Variants in CUBN observed in about 807,000 individuals in gnomAD.
CUBN encodes 460 kDa receptor.
A neutral mutation model predicts 405.3 loss-of-function variants in CUBN; 282 were observed. The ratio of observed to expected loss-of-function variants is 0.70; its 90% CI spans 0.63 to 0.77. The LOEUF is 0.77. Among genes scored for constraint, CUBN ranks in the 30% least tolerant of loss-of-function variants. CUBN has a pLI of 0.00. For synonymous variants in CUBN, 1,684 were observed against 1,617.0 expected, an observed-to-expected ratio of 1.04 and a Z score of -0.99; for missense variants, 4,514 against 4,475.2, an observed-to-expected ratio of 1.01 and a Z score of -0.25.
chr10:16,864,831 G>A (rs958431544), intron 59 of CUBN, among the ~76,000 whole-genome samples: 3 of 146,932 alleles, frequency 2.0e-5, no homozygotes, highest in African/African-American at 7.5e-5. Context: ...TGTATTTTTA[G>A]TAGAGACAGG....
At chr10:16,931,198 A>G (rs1248334218) in intron 40 of CUBN, among the ~76,000 whole-genome samples, 1 of 151,972 alleles carries the variant, frequency 6.6e-6, no homozygotes, top group Non-Finnish European at 1.5e-5. Flanking sequence ...CGGGAGGCAG[A>G]GTTTGCAGTG....
intron 22 of CUBN, among the ~76,000 whole-genome samples, chr10:17,061,061 C>T (rs1303439889): frequency 1.3e-5 from 2 of 151,400 alleles, no homozygotes; most frequent in African/African-American, 4.9e-5. Context: ...AAAAACAAAC[C>T]AACAAACAAC....
intron 27 of CUBN, among the ~76,000 whole-genome samples, chr10:17,033,438 G>A (rs1191150513): frequency 6.6e-6 from 1 of 152,194 alleles, no homozygotes; most frequent in Non-Finnish European, 1.5e-5. Flanking sequence ...AAGGAAAACT[G>A]ATGCTAAAAC....
intron 32 of CUBN, 50 bp from the exon 33 acceptor site, chr10:16,952,439 T>C (rs1842947336): frequency 1.8e-6 from 2 of 1,082,132 alleles, no homozygotes; most frequent in Non-Finnish European, 2.9e-6. Context: ...TCATTTCTAC[T>C]GACCGTACAA....
chr10:16,864,171 A>G (rs1425447278), intron 59 of CUBN, among the ~76,000 whole-genome samples: 1 of 152,226 alleles, frequency 6.6e-6, no homozygotes, highest in Non-Finnish European at 1.5e-5. Context: ...GACAATATCG[A>G]TGGAGTAACA....
intron 54 of CUBN, among the ~76,000 whole-genome samples, chr10:16,895,449 ATC>A (rs1841155924): frequency 6.6e-6 from 1 of 152,128 alleles, no homozygotes; most frequent in Non-Finnish European, 1.5e-5. Flanking sequence ...CTTGTCAATT[ATC>A]TGTCTAGTTG....
In CUBN at chr10:17,110,925, G is replaced by C; in HGVS notation, c.1009C>G (p.Pro337Ala). The part of the protein sequence containing the change: ...TPGSSHCQAC[P>A]PGYQGDGRVC... Reference sequence around the variant, plus strand: ...CATTGAACCGAGGCAGCACCTGGTGGACAGGCCTGGCAGTGGGAAGACCCA... The same window carrying C: ...CATTGAACCGAGGCAGCACCTGGTGCACAGGCCTGGCAGTGGGAAGACCCA... The change falls in exon 9 of 67, where the codon CCA becomes GCA. Residue 337 changes from proline (P) to alanine (A), a missense_variant. Around this residue, in one of 5 missense-constraint regions of CUBN, gnomAD observed 1,448 missense variants for 1,388.0 expected, o/e 1.04. Coordinates refer to ENST00000377833, the MANE Select transcript of CUBN (RefSeq NM_001081.4). 1.2e-6 allele frequency: 2 copies of C among 1,614,202 alleles called. No individual in the cohort carries two copies. Among genetic ancestry groups the C allele is most frequent in the Non-Finnish European group, 1.7e-6 (2 of 1,180,040 alleles).
chr10:17,035,622 C>T (rs1834878528), intron 27 of CUBN, among the ~76,000 whole-genome samples: 4 of 152,084 alleles, frequency 2.6e-5, no homozygotes, highest in Admixed American at 2.6e-4. Flanking sequence ...TTCATGGGTG[C>T]ATAGTTCATG....
intron 31 of CUBN, among the ~76,000 whole-genome samples, chr10:16,961,560 T>C (rs1843217583): frequency 6.6e-6 from 1 of 152,112 alleles, no homozygotes; most frequent in African/African-American, 2.4e-5. Context: ...TAAAGAACGG[T>C]AATGTGGGAA....
At chr10:17,055,074 T>C (rs923108614) in intron 22 of CUBN, among the ~76,000 whole-genome samples, 1 of 152,116 alleles carries the variant, frequency 6.6e-6, no homozygotes, top group African/African-American at 2.4e-5. Context: ...GTAAAAGTTA[T>C]AATAGATCAG....
At chr10:17,061,220 C>T (rs969699892) in intron 22 of CUBN, among the ~76,000 whole-genome samples, 1 of 152,202 alleles carries the variant, frequency 6.6e-6, no homozygotes, top group African/African-American at 2.4e-5. Flanking sequence ...TGAGCAGTTA[C>T]AGTCCAATCC....
At chr10:17,055,119 G>A (rs975600437) in intron 22 of CUBN, among the ~76,000 whole-genome samples, 1 of 151,872 alleles carries the variant, frequency 6.6e-6, no homozygotes, top group Admixed American at 6.6e-5. Context: ...ACACAAGATT[G>A]GTTTGACAGT....
At chr10:16,892,172 G>A (rs996875242) in intron 54 of CUBN, among the ~76,000 whole-genome samples, 5 of 152,148 alleles carry the variant, frequency 3.3e-5, no homozygotes, top group Admixed American at 2.0e-4. Context: ...CTTTAAAGCC[G>A]TATTGTTTCA....
intron 32 of CUBN, among the ~76,000 whole-genome samples, chr10:16,953,662 C>T (rs558286266): frequency 6.6e-6 from 1 of 151,996 alleles, no homozygotes; most frequent in Admixed American, 6.5e-5. Flanking sequence ...TTGAGACCAG[C>T]CCGGGCAACA....
intron 22 of CUBN, among the ~76,000 whole-genome samples, chr10:17,054,986 G>A (rs1204783918): frequency 1.3e-5 from 2 of 151,948 alleles, no homozygotes; most frequent in Non-Finnish European, 2.9e-5. Flanking sequence ...AAGAAATTCA[G>A]GAAGATTACA....
At chr10:16,964,395 G>A (rs933623996) in intron 31 of CUBN, among the ~76,000 whole-genome samples, 1 of 152,052 alleles carries the variant, frequency 6.6e-6, no homozygotes, top group Non-Finnish European at 1.5e-5. Flanking sequence ...CAAATAATAT[G>A]AAGTGAAAAA....
At chr10:17,074,578 G>T (rs190168681) in intron 17 of CUBN, among the ~76,000 whole-genome samples, 42 of 152,306 alleles carry the variant, frequency 2.8e-4, no homozygotes, top group Non-Finnish European at 5.3e-4. Flanking sequence ...TACAAGTAGA[G>T]TGTAAATTGA....
chr10:17,000,261 T>A (rs902209812), intron 28 of CUBN, among the ~76,000 whole-genome samples: 3 of 152,246 alleles, frequency 2.0e-5, no homozygotes, highest in Non-Finnish European at 4.4e-5. Context: ...CCTTGGCAAC[T>A]GACCAGATGA....
At chr10:17,098,172 C>T (rs1836416180) in intron 14 of CUBN, among the ~76,000 whole-genome samples, 1 of 152,140 alleles carries the variant, frequency 6.6e-6, no homozygotes, top group Non-Finnish European at 1.5e-5. Flanking sequence ...CATTGAAAGC[C>T]AGCATCAATT....
Sources: gnomAD v4.1 joint callset for allele counts (sites outside exome capture counted in the v4.1 genomes callset) on GRCh38, gnomAD v4.1.1 for gene constraint, gnomAD v4.1.1 regional missense constraint, MANE v1.5 for transcripts, NCBI Gene and HGNC (gene_info 2026-07-23, HGNC 2026-07-21) for gene names.